Variants in MGAT5 observed in about 807,000 individuals in gnomAD.
MGAT5 encodes alpha-1,6-mannosylglycoprotein 6-beta-N-acetylglucosaminyltransferase.
In MGAT5, 30 loss-of-function variants were observed where a neutral mutation model predicts 94.3. That is an observed-to-expected ratio of 0.32 (90% CI 0.24 to 0.43). The LOEUF (loss-of-function observed/expected upper bound fraction) is 0.43, where lower values mean the gene tolerates loss of function less well. MGAT5 is among the 20% of genes least tolerant of loss of function. MGAT5 has a pLI of 1.00. For synonymous variants in MGAT5, 310 were observed against 322.9 expected, an observed-to-expected ratio of 0.96 and a Z score of 0.43; for missense variants, 691 against 905.5, an observed-to-expected ratio of 0.76 and a Z score of 3.04.
chr2:134,303,542 C>T (rs1284045367), intron 2 of MGAT5, among the ~76,000 whole-genome samples: 1 of 152,042 alleles, frequency 6.6e-6, no homozygotes, highest in Non-Finnish European at 1.5e-5. Flanking sequence ...CATCTGAAGT[C>T]CTGGGCCTGA....
intron 9 of MGAT5, among the ~76,000 whole-genome samples, chr2:134,361,153 C>T (rs1055225647): frequency 6.6e-6 from 1 of 152,228 alleles, no homozygotes; most frequent in Non-Finnish European, 1.5e-5. Context: ...AATGGCTCCT[C>T]AGTCCTAGCA....
At chr2:134,401,481 C>A (rs1315858817) in intron 10 of MGAT5, among the ~76,000 whole-genome samples, 1 of 152,112 alleles carries the variant, frequency 6.6e-6, no homozygotes, top group East Asian at 1.9e-4. Flanking sequence ...CTGGGCAGGT[C>A]AGCAGCCAGC....
At chr2:134,330,554 A>AGAGTGTGTGTGTGTGTGTGT (rs1553447779) in intron 4 of MGAT5, among the ~76,000 whole-genome samples, 35 of 148,494 alleles carry the variant, frequency 2.4e-4, no homozygotes, top group Non-Finnish European at 4.9e-4. Context: ...TAAATTGTGT[A>AGAGTGTGTGTGTGTGTGTGT]GTGTGTGTGT....
At chr2:134,328,709 C>T (rs572745988) in intron 4 of MGAT5, among the ~76,000 whole-genome samples, 1 of 152,032 alleles carries the variant, frequency 6.6e-6, no homozygotes, top group East Asian at 1.9e-4. Flanking sequence ...GGTTTCTGTC[C>T]TCAAGGAGCT....
Position 134,120,480 on chromosome 2 carries a change from G to T in MGAT5, c.-143+189G>T, listed in dbSNP as rs567926361. ...CCGCCTGCGTGGGTGCCCCGGCCCCGGCCGCTCTGCAGGACGCCGGAGTGG... is the reference window on the plus strand; with the variant it reads ...CCGCCTGCGTGGGTGCCCCGGCCCCTGCCGCTCTGCAGGACGCCGGAGTGG... On this transcript the variant is annotated intron_variant, in intron 1 of 16. Coordinates refer to the MGAT5 transcript ENST00000409645. Among the ~76,000 whole-genome samples the T allele has an allele frequency of 6.6e-5, 10 of 151,504 alleles. No individual in the cohort carries two copies. The South Asian group carries it at 2.1e-3, about 32-fold the overall frequency.
chr2:134,172,299 C>T (rs766852721), intron 1 of MGAT5, among the ~76,000 whole-genome samples: 2 of 152,130 alleles, frequency 1.3e-5, no homozygotes, highest in African/African-American at 2.4e-5. Context: ...ATTGAGGAAC[C>T]ATTGCTCCAA....
At chr2:134,299,066 G>GT (rs1685864957) in intron 2 of MGAT5, among the ~76,000 whole-genome samples, 2 of 152,044 alleles carry the variant, frequency 1.3e-5, no homozygotes, top group African/African-American at 2.4e-5. Context: ...CTTGCCCATC[G>GT]TTTCTTCTTC....
chr2:134,263,171 GC>G (rs1450688736), intron 1 of MGAT5, among the ~76,000 whole-genome samples: 2 of 152,150 alleles, frequency 1.3e-5, no homozygotes, highest in African/African-American at 4.8e-5. Flanking sequence ...TGACCTCTCA[GC>G]ACTTCTCTGA....
intron 1 of MGAT5, among the ~76,000 whole-genome samples, chr2:134,220,348 G>C (rs1269991757): frequency 1.3e-5 from 2 of 151,912 alleles, no homozygotes; most frequent in Non-Finnish European, 2.9e-5. Flanking sequence ...GAAATGACCT[G>C]TCTCTGCCAT....
At chr2:134,152,002 T>C (rs1310844944) in intron 1 of MGAT5, among the ~76,000 whole-genome samples, 4 of 134,270 alleles carry the variant, frequency 3.0e-5, no homozygotes, top group Non-Finnish European at 6.3e-5. Flanking sequence ...CCTCACTCAC[T>C]CATGCCCTAT....
intron 10 of MGAT5, among the ~76,000 whole-genome samples, chr2:134,370,042 A>G (rs1680688684): frequency 6.6e-6 from 1 of 152,230 alleles, no homozygotes; most frequent in South Asian, 2.1e-4. Flanking sequence ...TGACTGCTGC[A>G]TCTGAGATAG....
At chr2:134,255,522 CACACATATATATATACAT>C (rs1002266021) in intron 1 of MGAT5, among the ~76,000 whole-genome samples, 3 of 150,536 alleles carry the variant, frequency 2.0e-5, no homozygotes, top group Admixed American at 6.6e-5. Context: ...TATATATACA[CACACATATATATATACAT>C]ACACATACAC....
chr2:134,292,850 C>T (rs1159928478), intron 2 of MGAT5, among the ~76,000 whole-genome samples: 3 of 152,208 alleles, frequency 2.0e-5, no homozygotes, highest in African/African-American at 4.8e-5. Flanking sequence ...ACTTGCTGCT[C>T]TTGCAGCTCT....
intron 1 of MGAT5, among the ~76,000 whole-genome samples, chr2:134,246,448 C>T (rs1018538337): frequency 6.6e-6 from 1 of 152,178 alleles, no homozygotes; most frequent in African/African-American, 2.4e-5. Context: ...AGCTGCTTTG[C>T]CTGTCCCTTC....
intron 1 of MGAT5, among the ~76,000 whole-genome samples, chr2:134,246,460 C>T (rs572851600): frequency 1.1e-3 from 172 of 152,332 alleles, no homozygotes; most frequent in Middle Eastern, 3.4e-3. Context: ...TGTCCCTTCT[C>T]CTCCTCTGCT....
intron 15 of MGAT5, among the ~76,000 whole-genome samples, chr2:134,444,221 C>T (rs895410739): frequency 6.6e-6 from 1 of 152,220 alleles, no homozygotes; most frequent in African/African-American, 2.4e-5. Context: ...AGGCCCGAGG[C>T]CACTGAGCCA....
chr2:134,259,434 T>A (rs1278086410), intron 1 of MGAT5, among the ~76,000 whole-genome samples: 1 of 152,210 alleles, frequency 6.6e-6, no homozygotes, highest in Admixed American at 6.5e-5. Context: ...CCCGGTCCAC[T>A]TGTGTTCTCT....
At chr2:134,188,180 C>T (rs995985991) in intron 1 of MGAT5, among the ~76,000 whole-genome samples, 5 of 152,264 alleles carry the variant, frequency 3.3e-5, no homozygotes, top group Non-Finnish European at 7.3e-5. Flanking sequence ...AAAAAGCACA[C>T]ATTCTTCCCT....
At chr2:134,267,099 G>A (rs758312293) in intron 1 of MGAT5, among the ~76,000 whole-genome samples, 4 of 152,098 alleles carry the variant, frequency 2.6e-5, no homozygotes, top group Non-Finnish European at 5.9e-5. Flanking sequence ...ATTGGTATAT[G>A]TTGTTACACA....
Sources: allele counts gnomAD v4.1 joint callset (sites outside exome capture counted in the v4.1 genomes callset), GRCh38; gene constraint gnomAD v4.1.1; transcripts MANE v1.5; gene names NCBI Gene and HGNC (gene_info 2026-07-23, HGNC 2026-07-21).